Variants in DCBLD1 observed in about 807,000 individuals in gnomAD.
DCBLD1 encodes the protein discoidin, CUB and LCCL domain containing 1.
A neutral mutation model predicts 71.5 loss-of-function variants in DCBLD1; 57 were observed. The observed-to-expected ratio is 0.80, with a 90% CI of 0.64 to 0.99. DCBLD1 has a LOEUF of 0.99. DCBLD1 is among the 50% of genes least tolerant of loss of function. The pLI, the probability that DCBLD1 is intolerant of heterozygous loss-of-function variation, is 0.00. For missense variants in DCBLD1, 891 were observed against 923.5 expected, an observed-to-expected ratio of 0.96 and a Z score of 0.46; for synonymous variants, 380 against 363.8, an observed-to-expected ratio of 1.04 and a Z score of -0.51.
chr6:117,490,713 GTCAGC>G, intron 1 of DCBLD1, among the ~76,000 whole-genome samples: 1 of 152,078 alleles, frequency 6.6e-6, no homozygotes, highest in African/African-American at 2.4e-5. Flanking sequence ...AGTTTTTATA[GTCAGC>G]ATCTTCAAAC....
intron 11 of DCBLD1, among the ~76,000 whole-genome samples, chr6:117,541,616 AT>A (rs1422912015): frequency 6.6e-6 from 1 of 152,200 alleles, no homozygotes; most frequent in East Asian, 1.9e-4. Context: ...TTAAAAGTAC[AT>A]TTTTTCAGAA....
chr6:117,548,571 C>G lies in DCBLD1; in HGVS notation c.*132C>G. 1.4e-6 allele frequency: 2 copies of G among 1,463,196 alleles called. No individual in the cohort carries two copies. The highest frequency in any genetic ancestry group is 1.9e-4 in the Middle Eastern group (1 of 5,270). The allele number at this position is 1,463,196 out of a possible 1,614,324, so 90.6% of individuals were successfully genotyped here. A position where few individuals can be genotyped will look rare whatever the true frequency, so the allele number is the denominator to read the frequency against. On this transcript the variant is annotated 3_prime_UTR_variant, in exon 15 of 15. Coordinates refer to ENST00000338728, the MANE Select transcript of DCBLD1 (RefSeq NM_001366458.2). ...GTACACTTGCATGTGTGTGTGTGAT[C>G]CAGTAGGATCCTAGAGACAACCTGT...
chr6:117,545,419 T>G (rs1361500507), intron 13 of DCBLD1, 59 bp from the exon 14 acceptor site: 6 of 1,590,936 alleles, frequency 3.8e-6, no homozygotes, highest in Non-Finnish European at 5.1e-6. Flanking sequence ...GAACATGTTC[T>G]GGAGGACGCG....
At chr6:117,485,093 A>G (rs933323311) in intron 1 of DCBLD1, 13 of 152,340 alleles carry the variant, frequency 8.5e-5, no homozygotes, top group Admixed American at 2.6e-4. Flanking sequence ...ATAATAAGAC[A>G]TTAAGTTGAT....
intron 9 of DCBLD1, 87 bp downstream of exon 9, chr6:117,539,466 A>C: frequency 2.0e-3 from 2,734 of 1,400,914 alleles, no homozygotes; most frequent in Non-Finnish European, 2.3e-3. Context: ...TAAATATCTC[A>C]TTAATAAAAG....
chr6:117,517,431 G>C (rs945011422), intron 2 of DCBLD1, among the ~76,000 whole-genome samples: 1 of 152,180 alleles, frequency 6.6e-6, no homozygotes, highest in Non-Finnish European at 1.5e-5. Flanking sequence ...TTGAGTGTCT[G>C]TCGCTTTTTC....
intron 2 of DCBLD1, chr6:117,508,178 A>C (rs1304649971): frequency 6.6e-6 from 1 of 152,198 alleles, no homozygotes; most frequent in Non-Finnish European, 1.5e-5. Context: ...TGATTAAGGT[A>C]GCCTACCCAG....
chr6:117,554,642 C>T (rs1779473218), downstream of DCBLD1, among the ~76,000 whole-genome samples: 1 of 152,146 alleles, frequency 6.6e-6, no homozygotes, highest in African/African-American at 2.4e-5. Flanking sequence ...TGCCTGTAAT[C>T]CCAGCACTTT....
intron 5 of DCBLD1, among the ~76,000 whole-genome samples, chr6:117,529,286 T>C (rs1021040273): frequency 7.2e-5 from 10 of 138,802 alleles, no homozygotes; most frequent in Non-Finnish European, 1.2e-4. Flanking sequence ...CAAGATATTA[T>C]ACGGAGGACA....
chr6:117,507,029 A>G (rs79187539), intron 2 of DCBLD1, among the ~76,000 whole-genome samples: 3,950 of 152,322 alleles, frequency 0.026, 77 homozygotes, highest in East Asian at 0.051. Flanking sequence ...AAAACTTAAA[A>G]CTATCAGAAT....
chr6:117,532,864 C>A (rs534853276), intron 6 of DCBLD1, among the ~76,000 whole-genome samples: 1 of 152,106 alleles, frequency 6.6e-6, no homozygotes, highest in African/African-American at 2.4e-5. Context: ...AAAAAGATGG[C>A]CTTTGTTAAC....
chr6:117,493,923 A>G (rs775906786), intron 1 of DCBLD1, among the ~76,000 whole-genome samples: 1 of 152,078 alleles, frequency 6.6e-6, no homozygotes, highest in African/African-American at 2.4e-5. Flanking sequence ...ATACACTTTG[A>G]TGTTTGTGAA....
intron 2 of DCBLD1, among the ~76,000 whole-genome samples, chr6:117,511,060 C>T (rs1453738764): frequency 6.6e-6 from 1 of 151,984 alleles, no homozygotes; most frequent in Admixed American, 6.6e-5. Context: ...CAAGTCTGGG[C>T]ATTTGAGGCC....
chr6:117,546,450 C>T (rs1779267864), intron 14 of DCBLD1, among the ~76,000 whole-genome samples: 1 of 152,100 alleles, frequency 6.6e-6, no homozygotes, highest in Non-Finnish European at 1.5e-5. Flanking sequence ...GACGCCTGTG[C>T]ACATCAGTGA....
intron 14 of DCBLD1, among the ~76,000 whole-genome samples, chr6:117,568,148 C>T (rs921366732): frequency 2.0e-5 from 3 of 151,794 alleles, no homozygotes; most frequent in Admixed American, 6.6e-5. Flanking sequence ...TGCAGTGGTC[C>T]GTAATTGTGC....
chr6:117,483,357 C>G (rs1004484640), intron 1 of DCBLD1, among the ~76,000 whole-genome samples: 1 of 152,238 alleles, frequency 6.6e-6, no homozygotes, highest in South Asian at 2.1e-4. Flanking sequence ...TGCCGTCGCT[C>G]CTCCCGCGCG....
intron 8 of DCBLD1, 56 bp from the exon 9 acceptor site, chr6:117,539,198 AG>A: frequency 7.2e-7 from 1 of 1,395,934 alleles, no homozygotes; most frequent in Non-Finnish European, 9.6e-7. Context: ...AAATTATAAT[AG>A]ATGTTATATT....
At chr6:117,563,221 T>C (rs1226693511) in intron 14 of DCBLD1, 1 of 1,597,322 alleles carries the variant, frequency 6.3e-7, no homozygotes. Flanking sequence ...CAGAATAGTC[T>C]GATTAACAAT....
intron 1 of DCBLD1, among the ~76,000 whole-genome samples, chr6:117,484,025 GTACTGTAGCACAA>G (rs1776999668): frequency 1.3e-5 from 2 of 152,152 alleles, no homozygotes; most frequent in Non-Finnish European, 1.5e-5. Flanking sequence ...ATTTTGTCTG[GTACTGTAGCACAA>G]TACTAGGCAG....
Sources: allele counts gnomAD v4.1 joint callset (sites outside exome capture counted in the v4.1 genomes callset), GRCh38; gene constraint gnomAD v4.1.1; transcripts MANE v1.5; gene names NCBI Gene and HGNC (gene_info 2026-07-23, HGNC 2026-07-21).